RAPGEF1: variants seen among roughly 807,000 people sequenced by gnomAD.
RAPGEF1 encodes Rap guanine nucleotide exchange factor 1, also known as CRK SH3-binding GNRP.
In RAPGEF1, 33 loss-of-function variants were observed where a neutral mutation model predicts 143.3. That is an observed-to-expected ratio of 0.23 (90% CI 0.17 to 0.31). RAPGEF1 has a LOEUF of 0.31. Ranked by LOEUF, RAPGEF1 falls within the 10% of genes least tolerant of loss-of-function variation. RAPGEF1 has a pLI of 1.00. For missense variants in RAPGEF1, 1,199 were observed against 1,645.4 expected (o/e 0.73, Z 4.69); for synonymous variants, 629 against 676.5 (o/e 0.93, Z 1.09).
intron 5 of RAPGEF1, 114 bp from the exon 6 acceptor site, chr9:131,630,438 A>G (rs1441535260): frequency 1.0e-6 from 1 of 996,726 alleles, no homozygotes; most frequent in African/African-American, 1.6e-5. Flanking sequence ...CTGTGCCTAC[A>G]GATTCCCCAC....
At chr9:131,639,862 T>C (rs1409789297) in intron 4 of RAPGEF1, among the ~76,000 whole-genome samples, 1 of 152,138 alleles carries the variant, frequency 6.6e-6, no homozygotes, top group African/African-American at 2.4e-5. Flanking sequence ...GTGAACCAAA[T>C]AGTGCTTTAA....
At chr9:131,629,306 G>T in intron 6 of RAPGEF1, 52 bp from the exon 7 acceptor site, 1 of 1,547,236 alleles carries the variant, frequency 6.5e-7, no homozygotes, top group Non-Finnish European at 8.8e-7. Context: ...GCGGGACAGA[G>T]CACACACAGG....
rs978547914 is a variant in RAPGEF1, at chr9:131,600,484, G to A, written c.2501+1577C>T. 2.0e-5 allele frequency among the ~76,000 whole-genome samples: 3 copies of A among 152,334 alleles called. No homozygotes were observed. In the East Asian group the frequency reaches 5.8e-4, roughly 29 times the overall value. Reference sequence around the variant, plus strand: ...AGACAAGTCAGAGAGACAAGTCAGAGAGCACAAGAGTGGCCAGGAGGCAGG... The same window carrying A: ...AGACAAGTCAGAGAGACAAGTCAGAAAGCACAAGAGTGGCCAGGAGGCAGG... On this transcript the variant is annotated intron_variant, in intron 15 of 26. Transcript: ENST00000683357.
At position 131,655,454 on chromosome 9, in the gene RAPGEF1, G is replaced by A. The variant is rs925403226; in HGVS notation, c.62-4505C>T. ...CCTCGCATTCAAATGAACTGGGATG[G>A]TGTGACTTCTCCCGCTCCCCTCTGT... On this transcript the variant is annotated intron_variant, in intron 1 of 26. Transcript: ENST00000683357. This position sits in a 1 kb window ranked among gnomAD's most constrained non-coding sequence, Gnocchi z 4.1. 1.3e-5 allele frequency among the ~76,000 whole-genome samples: 2 copies of A among 152,220 alleles called. No homozygotes were observed. The highest frequency in any genetic ancestry group is 4.8e-5 in the African/African-American group (2 of 41,452).
intron 1 of RAPGEF1, among the ~76,000 whole-genome samples, chr9:131,722,354 G>T (rs1193111239): frequency 6.6e-6 from 1 of 152,280 alleles, no homozygotes; most frequent in East Asian, 1.9e-4. Flanking sequence ...TCTCAAGAAC[G>T]TGGCGATAGC....
intron 1 of RAPGEF1, among the ~76,000 whole-genome samples, chr9:131,663,877 T>C (rs1830000101): frequency 6.6e-6 from 1 of 152,238 alleles, no homozygotes; most frequent in South Asian, 2.1e-4. Flanking sequence ...AAATTTTCAC[T>C]GAATAGTTTG....
intron 1 of RAPGEF1, among the ~76,000 whole-genome samples, chr9:131,732,122 G>A (rs765258618): frequency 6.6e-6 from 1 of 152,108 alleles, no homozygotes; most frequent in Non-Finnish European, 1.5e-5. Flanking sequence ...GGAAGGGGGT[G>A]CCAGAGGCAC....
intron 5 of RAPGEF1, among the ~76,000 whole-genome samples, chr9:131,633,979 AG>A (rs1965648076): frequency 6.6e-6 from 1 of 152,242 alleles, no homozygotes; most frequent in Admixed American, 6.5e-5. Flanking sequence ...AGACTGAAAA[AG>A]GCCAGACGTG....
chr9:131,591,045 A>C (rs1954147706), intron 18 of RAPGEF1, among the ~76,000 whole-genome samples: 1 of 152,286 alleles, frequency 6.6e-6, no homozygotes, highest in Admixed American at 6.5e-5. Context: ...ACAGGTGTAA[A>C]GCACATCTCG....
chr9:131,692,485 G>A (rs1833850768), intron 1 of RAPGEF1, among the ~76,000 whole-genome samples: 3 of 152,158 alleles, frequency 2.0e-5, no homozygotes, highest in Admixed American at 2.0e-4. Flanking sequence ...GCTGGAGCTT[G>A]ACAACTCCAT....
intron 3 of RAPGEF1, among the ~76,000 whole-genome samples, chr9:131,643,702 A>C (rs536443591): frequency 7.2e-5 from 11 of 152,300 alleles, no homozygotes; most frequent in African/African-American, 2.6e-4. Context: ...GTCTGTCCTC[A>C]TCAGCCACAC....
At chr9:131,708,592 AGAAAGTACCTT>A (rs1352185785) in intron 1 of RAPGEF1, among the ~76,000 whole-genome samples, 3 of 152,230 alleles carry the variant, frequency 2.0e-5, no homozygotes, top group Non-Finnish European at 2.9e-5. Flanking sequence ...AAGATTTTAC[AGAAAGTACCTT>A]GAAAGTACTT....
Position 131,596,286 on chromosome 9 carries a change from C to A in RAPGEF1, c.2689+12G>T. On this transcript the variant is annotated intron_variant, in intron 17 of 26. Transcript: ENST00000683357. ...GACCAGCCCCAATCTAGTGAGCTCA[C>A]TGACACCCTACCTTTCCTGTCAGTC... 1.2e-6 allele frequency: 2 copies of A among 1,613,774 alleles called. No individual in the cohort carries two copies. Among genetic ancestry groups the A allele is most frequent in the Non-Finnish European group, 8.5e-7 (1 of 1,179,722 alleles).
At chr9:131,627,800 C>T in intron 9 of RAPGEF1, 113 bp downstream of exon 9, 1 of 1,139,880 alleles carries the variant, frequency 8.8e-7, no homozygotes, top group Non-Finnish European at 1.2e-6. Context: ...TTAAACAAGT[C>T]AGCCAAAGCC....
intron 1 of RAPGEF1, among the ~76,000 whole-genome samples, chr9:131,717,772 A>T (rs1259159477): frequency 6.7e-6 from 1 of 150,332 alleles, no homozygotes; most frequent in African/African-American, 2.4e-5. Flanking sequence ...CTCAAAAAAA[A>T]AAAAAAAAGG....
chr9:131,717,354 A>G (rs1835931450), intron 1 of RAPGEF1, among the ~76,000 whole-genome samples: 1 of 152,142 alleles, frequency 6.6e-6, no homozygotes, highest in African/African-American at 2.4e-5. Context: ...GTCCATACAC[A>G]ATGGGTACTC....
At chr9:131,738,230 G>A (rs1406705591) in intron 1 of RAPGEF1, among the ~76,000 whole-genome samples, 2 of 135,618 alleles carry the variant, frequency 1.5e-5, no homozygotes, top group Admixed American at 7.6e-5. Context: ...TCTTATATTA[G>A]ATATAAAAAG....
chr9:131,580,442 C>G, intron 25 of RAPGEF1, 51 bp from the exon 26 acceptor site: 1 of 1,591,308 alleles, frequency 6.3e-7, no homozygotes, highest in Non-Finnish European at 8.6e-7. Context: ...TTGGAAGCAG[C>G]AAGGGCTAGA....
intron 15 of RAPGEF1, among the ~76,000 whole-genome samples, chr9:131,599,646 C>T (rs761568357): frequency 9.9e-5 from 15 of 152,110 alleles, no homozygotes; most frequent in Admixed American, 4.6e-4. Flanking sequence ...GAAGGTGGGA[C>T]GGCCGGGGGT....
Sources: gnomAD v4.1 joint callset for allele counts (sites outside exome capture counted in the v4.1 genomes callset) on GRCh38, gnomAD v4.1.1 for gene constraint, Gnocchi (gnomAD v3.1) non-coding constraint, MANE v1.5 for transcripts, NCBI Gene and HGNC (gene_info 2026-07-23, HGNC 2026-07-21) for gene names.